DCLK3: variants seen among roughly 807,000 people sequenced by gnomAD.
The protein encoded by DCLK3 is serine/threonine-protein kinase DCLK3.
DCLK3 carries 30 observed loss-of-function variants against 46.4 expected under a neutral mutation model. The observed-to-expected ratio is 0.65, with a 90% CI of 0.48 to 0.88. The LOEUF is 0.88. Among genes scored for constraint, DCLK3 ranks in the 40% least tolerant of loss-of-function variants. The probability of loss-of-function intolerance (pLI) is 0.00; values close to 1 mark genes in which losing one functional copy is unlikely to be tolerated. For missense variants in DCLK3, 846 were observed against 907.1 expected (o/e 0.93, Z 0.87); for synonymous variants, 401 against 339.2 (o/e 1.18, Z -2.00).
chr3:36,727,954 T>C (rs1701145375), intron 2 of DCLK3, among the ~76,000 whole-genome samples: 1 of 152,356 alleles, frequency 6.6e-6, no homozygotes, highest in Admixed American at 6.5e-5. Context: ...GAATAATTCT[T>C]CTTCCCAGAA....
At position 36,728,146 on chromosome 3, in the gene DCLK3, C is replaced by T. The variant is rs143118924; in HGVS notation, c.1960-6487G>A. 6.3e-4 allele frequency among the ~76,000 whole-genome samples: 96 copies of T among 152,282 alleles called. No individual in the cohort carries two copies. In the Middle Eastern group the frequency reaches 0.017, roughly 27 times the overall value. On this transcript the variant is annotated intron_variant, in intron 2 of 4. Coordinates refer to ENST00000636136, the MANE Select transcript of DCLK3 (RefSeq NM_001394672.2). ...AGCTTAGCTTGTGAGGAGATTCACC[C>T]CTATGTTGATTCAGAATTCCTTTCC...
intron 2 of DCLK3, among the ~76,000 whole-genome samples, chr3:36,724,741 A>C (rs892410798): frequency 2.0e-5 from 3 of 152,216 alleles, no homozygotes; most frequent in African/African-American, 7.2e-5. Context: ...CCATAAGTCT[A>C]TTAAACCTCT....
Position 36,737,487 on chromosome 3 carries a change from T to C in DCLK3, c.1680A>G (p.Arg560=). Residue 560 remains arginine, a synonymous_variant, in exon 2 of 5, where the codon AGA becomes AGG. Transcript: ENST00000636136. The surrounding 1 kb of genome is among the most constrained non-coding windows in gnomAD (Gnocchi z 4.4). Reference sequence around the variant, plus strand: ...CCACCATGTCCTCCTTGCCCTTGAGTCTGGACTTGTCAATGATCTTCATCG... The same window carrying C: ...CCACCATGTCCTCCTTGCCCTTGAGCCTGGACTTGTCAATGATCTTCATCG... ...AYAMKIIDKS[R]LKGKEDMVDS... The C allele has an allele frequency of 6.2e-7, 1 of 1,614,106 alleles. No homozygotes were observed. Among genetic ancestry groups the C allele is most frequent in the Non-Finnish European group, 8.5e-7 (1 of 1,180,018 alleles).
rs557573032 is a variant in DCLK3 at position 36,751,695 on chromosome 3, T to C, written c.82+12487A>G. Among the ~76,000 whole-genome samples, 3 of 152,356 alleles carry C rather than the reference T, an allele frequency of 2.0e-5. No individual in the cohort carries two copies. The South Asian group carries it at 6.2e-4, about 32-fold the overall frequency. On this transcript the variant is annotated intron_variant, in intron 1 of 4. Coordinates refer to ENST00000636136, the MANE Select transcript of DCLK3 (RefSeq NM_001394672.2). ...AGCTTCTTTGGGATTTCTTATGATG[T>C]TATATCATGGCATTTGCCAAATATA...
chr3:36,741,580 A>T (rs1701345017), intron 1 of DCLK3, among the ~76,000 whole-genome samples: 1 of 152,208 alleles, frequency 6.6e-6, no homozygotes, highest in Non-Finnish European at 1.5e-5. Flanking sequence ...TGCTAGGAAG[A>T]CAAGATTTGA....
chr3:36,760,649 C>A (rs1328880326), intron 1 of DCLK3, among the ~76,000 whole-genome samples: 1 of 150,530 alleles, frequency 6.6e-6, no homozygotes, highest in Non-Finnish European at 1.5e-5. Context: ...GAAACAACAT[C>A]TACAGAACTT....
chr3:36,744,941 T>C (rs568973011), intron 1 of DCLK3, among the ~76,000 whole-genome samples: 1 of 152,350 alleles, frequency 6.6e-6, no homozygotes, highest in South Asian at 2.1e-4. Context: ...TGCACCGGCA[T>C]GGCATGCCGT....
intron 1 of DCLK3, among the ~76,000 whole-genome samples, chr3:36,757,172 G>A (rs142209131): frequency 1.6e-4 from 24 of 152,060 alleles, no homozygotes; most frequent in African/African-American, 5.5e-4. Flanking sequence ...AAACCACAGG[G>A]GTTTATTTTC....
intron 2 of DCLK3, among the ~76,000 whole-genome samples, chr3:36,730,354 C>T (rs1701185113): frequency 6.6e-6 from 1 of 152,116 alleles, no homozygotes; most frequent in African/African-American, 2.4e-5. Flanking sequence ...CTGTTTATTG[C>T]ATCTGCTTAT....
At chr3:36,763,903 C>T (rs1054713514) in intron 1 of DCLK3, among the ~76,000 whole-genome samples, 2 of 152,240 alleles carry the variant, frequency 1.3e-5, no homozygotes, top group Admixed American at 6.5e-5. Flanking sequence ...GGCCCCCCTG[C>T]TGGCGAGGGA....
rs559707727 is a variant in DCLK3 at position 36,716,772 on chromosome 3, C to T, written c.2260+1238G>A. Among the ~76,000 whole-genome samples, 6 of 152,340 alleles carry T rather than the reference C, an allele frequency of 3.9e-5. No homozygotes were observed. In the East Asian group the frequency reaches 1.2e-3, roughly 29 times the overall value. The stretch of plus-strand genomic sequence containing the variant: ...GGGCTCTGGGGGCACATCCCCTAGG[C>T]CCCATACTCTCCTCACTCTGTAGAG... On this transcript the variant is annotated intron_variant, in intron 4 of 4. Coordinates refer to ENST00000636136, the MANE Select transcript of DCLK3 (RefSeq NM_001394672.2).
In DCLK3 at chr3:36,721,536, A is replaced by G; in HGVS notation, c.2083T>C (p.Ser695Pro). The stretch of plus-strand genomic sequence containing the variant: ...GATGTGTAACACTTACCTTTCTCAG[A>G]AAGAATTTCGGGAGCTACGTAAGTT... ...TPTYVAPEIL[S>P]EKGYGLEVDM... The change falls in exon 3 of 5, where the codon TCT (serine) becomes CCT (proline). Residue 695 changes from serine (S) to proline (P), a missense_variant. Ser to Pro is a moderately conservative substitution (Grantham distance 74, BLOSUM62 -1). Transcript: ENST00000636136. 1 of 1,614,128 alleles carries G rather than the reference A, an allele frequency of 6.2e-7. No individual in the cohort carries two copies. Among genetic ancestry groups the G allele is most frequent in the Non-Finnish European group, 8.5e-7 (1 of 1,180,000 alleles).
chr3:36,715,415 A>G lies in DCLK3; in HGVS notation c.2367T>C (p.Asn789=), dbSNP rs376002629. ...HPWIETAGKT[N]TVKRQKQVSP... ...ACACCTGCTTCTGTCGTTTCACTGT[A>G]TTGGTCTTGCCAGCTGTTTCGATCC... Residue 789 remains asparagine, a synonymous_variant, in exon 5 of 5, where the codon AAT becomes AAC. Transcript: ENST00000636136. 3.1e-6 allele frequency: 5 copies of G among 1,613,860 alleles called. No individual in the cohort carries two copies. The African/African-American group carries it at 6.7e-5, about 22-fold the overall frequency.
At chr3:36,745,634 T>C (rs1701387775) in intron 1 of DCLK3, among the ~76,000 whole-genome samples, 1 of 152,228 alleles carries the variant, frequency 6.6e-6, no homozygotes, top group Admixed American at 6.5e-5. Context: ...GATTAATCAC[T>C]TGTGGCCTCA....
chr3:36,751,066 A>AAAAAAAAAAAAAC (rs1701436934), intron 1 of DCLK3, among the ~76,000 whole-genome samples: 3 of 149,128 alleles, frequency 2.0e-5, no homozygotes, highest in Admixed American at 1.3e-4. Context: ...GATGATCTAA[A>AAAAAAAAAAAAAC]AAAAAAAAAA....
intron 1 of DCLK3, among the ~76,000 whole-genome samples, chr3:36,747,106 C>T (rs750552481): frequency 2.0e-5 from 3 of 152,140 alleles, no homozygotes; most frequent in Non-Finnish European, 2.9e-5. Flanking sequence ...AGTCCAGCCA[C>T]GGTTCCTTTG....
In DCLK3 at chr3:36,737,225, T is replaced by C; in HGVS notation, c.1942A>G (p.Lys648Glu). 6.2e-7 allele frequency: 1 copy of C among 1,612,888 alleles called. No individual in the cohort carries two copies. The highest frequency in any genetic ancestry group is 8.5e-7 in the Non-Finnish European group (1 of 1,178,964). ...AGGCTTACCAAAAGGTTTTCCGGCT[T>C]GAGGTCCCGGTGGACAATGCTCTTG... ...HDKSIVHRDL[K>E]PENLLVQRNE... The change falls in exon 2 of 5, where the codon AAG becomes GAG. Residue 648 changes from lysine (K) to glutamate (E), a missense_variant. Transcript: ENST00000636136. The surrounding 1 kb of genome is among the most constrained non-coding windows in gnomAD (Gnocchi z 4.4).
intron 3 of DCLK3, 136 bp downstream of exon 3, chr3:36,721,391 T>A: frequency 8.1e-7 from 1 of 1,235,320 alleles, no homozygotes; most frequent in Non-Finnish European, 1.1e-6. Flanking sequence ...CTTCAAATAT[T>A]TTCATTGAAG....
At chr3:36,724,300 G>A (rs1281657575) in intron 2 of DCLK3, among the ~76,000 whole-genome samples, 1 of 152,188 alleles carries the variant, frequency 6.6e-6, no homozygotes, top group Non-Finnish European at 1.5e-5. Context: ...CAGGAGGAAG[G>A]GACTTTACTT....
Sources: gnomAD v4.1 joint callset for allele counts (sites outside exome capture counted in the v4.1 genomes callset) on GRCh38, gnomAD v4.1.1 for gene constraint, Gnocchi (gnomAD v3.1) non-coding constraint, MANE v1.5 for transcripts, NCBI Gene and HGNC (gene_info 2026-07-23, HGNC 2026-07-21) for gene names.